Variants in PCLO observed in about 807,000 individuals in gnomAD.
PCLO encodes protein piccolo.
A neutral mutation model predicts 427.5 loss-of-function variants in PCLO; 82 were observed. The ratio of observed to expected loss-of-function variants is 0.19; its 90% CI spans 0.16 to 0.23. PCLO has a LOEUF of 0.23. Ranked by LOEUF, PCLO falls within the 10% of genes least tolerant of loss-of-function variation. PCLO has a pLI of 1.00. For missense variants in PCLO, 6,239 were observed against 6,115.9 expected (o/e 1.02, Z -0.67); for synonymous variants, 2,357 against 2,155.4 (o/e 1.09, Z -2.59).
chr7:83,132,143 G>C (rs1161681666), intron 3 of PCLO, among the ~76,000 whole-genome samples: 2 of 151,978 alleles, frequency 1.3e-5, no homozygotes, highest in African/African-American at 4.8e-5. Flanking sequence ...ACTTTACCTA[G>C]AAACCAGAGG....
At chr7:82,906,594 A>T (rs555339576) in intron 8 of PCLO, among the ~76,000 whole-genome samples, 10 of 152,116 alleles carry the variant, frequency 6.6e-5, no homozygotes, top group Admixed American at 2.0e-4. Flanking sequence ...AATGATAAAG[A>T]AAAACAAATT....
intron 6 of PCLO, among the ~76,000 whole-genome samples, chr7:82,919,276 T>C (rs949746192): frequency 1.3e-5 from 2 of 151,656 alleles, no homozygotes; most frequent in Non-Finnish European, 2.9e-5. Flanking sequence ...GTCAGGAAAG[T>C]TCTAGTGGGA....
intron 3 of PCLO, among the ~76,000 whole-genome samples, chr7:83,123,740 C>T (rs765206195): frequency 2.6e-5 from 4 of 151,952 alleles, no homozygotes; most frequent in Non-Finnish European, 5.9e-5. Flanking sequence ...GGATTAATTT[C>T]CAGAATATAC....
At position 82,758,565 on chromosome 7, in the gene PCLO, A is replaced by T; in HGVS notation, c.*10T>A. The T allele has an allele frequency of 6.2e-7, 1 of 1,606,776 alleles. No homozygotes were observed. The highest frequency in any genetic ancestry group is 1.1e-5 in the South Asian group (1 of 90,014). Reference sequence around the variant, plus strand: ...AGAGCAGTTTCTATACCCTGAGAAGACATGTTTCTTCAATGCGTTTGAGTA... The same window carrying T: ...AGAGCAGTTTCTATACCCTGAGAAGTCATGTTTCTTCAATGCGTTTGAGTA... On this transcript the variant is annotated 3_prime_UTR_variant, in exon 25 of 25. Coordinates refer to ENST00000333891, the MANE Select transcript of PCLO (RefSeq NM_033026.6).
chr7:83,039,226 G>T (rs567201276), intron 3 of PCLO, among the ~76,000 whole-genome samples: 1 of 151,952 alleles, frequency 6.6e-6, no homozygotes, highest in Non-Finnish European at 1.5e-5. Flanking sequence ...TTTTGATAAA[G>T]TCTAATTCAT....
chr7:82,979,485 T>C (rs1017103265), intron 3 of PCLO, among the ~76,000 whole-genome samples: 1 of 152,158 alleles, frequency 6.6e-6, no homozygotes, highest in African/African-American at 2.4e-5. Flanking sequence ...AGTTTTTTGA[T>C]GCATAAATAA....
At chr7:82,968,837 A>C (rs1166266433) in intron 3 of PCLO, among the ~76,000 whole-genome samples, 1 of 152,072 alleles carries the variant, frequency 6.6e-6, no homozygotes, top group Non-Finnish European at 1.5e-5. Context: ...TGACTTTTTA[A>C]AACACAAAAA....
chr7:82,952,875 C>A lies in PCLO; in HGVS notation c.8078G>T (p.Ser2693Ile). The A allele has an allele frequency of 6.2e-7, 1 of 1,613,922 alleles. No homozygotes were observed. The highest frequency in any genetic ancestry group is 1.1e-5 in the South Asian group (1 of 91,078). The change falls in exon 5 of 25, where the codon AGC (serine) becomes ATC (isoleucine). Residue 2693 changes from serine (S) to isoleucine (I), a missense_variant. Ser to Ile is a moderately radical substitution (Grantham distance 142, BLOSUM62 -2). Coordinates refer to ENST00000333891, the MANE Select transcript of PCLO (RefSeq NM_033026.6). ...CTCTGGAGGAATTGTTATGGAAATG[C>A]TGCTGAGACCAACACTAGGAGCTGT... is the stretch of plus-strand genomic sequence containing the variant. ...RSTAPSVGLSSISITIPPEPL... is the reference protein window; with the variant it reads ...RSTAPSVGLSIISITIPPEPL...
At chr7:83,099,015 CAATG>C (rs751969650) in intron 3 of PCLO, among the ~76,000 whole-genome samples, 2 of 151,572 alleles carry the variant, frequency 1.3e-5, no homozygotes, top group Non-Finnish European at 2.9e-5. Context: ...ATCTGAAGGC[CAATG>C]AAATACATCT....
chr7:82,760,333 C>T (rs573139804), intron 24 of PCLO, among the ~76,000 whole-genome samples: 1 of 151,910 alleles, frequency 6.6e-6, no homozygotes, highest in Non-Finnish European at 1.5e-5. Context: ...GCCAGGTAAA[C>T]AGATGAAATG....
intron 8 of PCLO, among the ~76,000 whole-genome samples, chr7:82,903,996 A>G (rs1273115637): frequency 1.3e-5 from 2 of 151,968 alleles, no homozygotes; most frequent in Non-Finnish European, 1.5e-5. Context: ...TTAGGAAAGA[A>G]TAAGCTTAAG....
chr7:82,805,918 A>C, intron 20 of PCLO, 89 bp from the exon 21 acceptor site: 3 of 1,298,734 alleles, frequency 2.3e-6, no homozygotes, highest in Non-Finnish European at 3.2e-6. Flanking sequence ...TTCTTAATTT[A>C]CATGTGACAA....
At chr7:82,969,870 C>CT (rs1486469776) in intron 3 of PCLO, among the ~76,000 whole-genome samples, 1 of 152,120 alleles carries the variant, frequency 6.6e-6, no homozygotes, top group African/African-American at 2.4e-5. Flanking sequence ...TAGATATTTT[C>CT]CAAGAAGGTT....
chr7:83,049,796 A>T (rs1193096394), intron 3 of PCLO, among the ~76,000 whole-genome samples: 1 of 152,110 alleles, frequency 6.6e-6, no homozygotes, highest in Non-Finnish European at 1.5e-5. Context: ...AAAAGCGGTT[A>T]AGCTAAAAGA....
chr7:82,847,266 A>G lies in PCLO; in HGVS notation c.13655-19T>C. The G allele has an allele frequency of 7.2e-7, 1 of 1,384,962 alleles. No homozygotes were observed. The highest frequency in any genetic ancestry group is 1.0e-6 in the Non-Finnish European group (1 of 992,150). The allele number at this position is 1,384,962 out of a possible 1,614,324, so 85.8% of individuals were successfully genotyped here. A position where few individuals can be genotyped will look rare whatever the true frequency, so the allele number is the denominator to read the frequency against. On this transcript the variant is annotated intron_variant, in intron 10 of 24. Transcript: ENST00000333891. Reference sequence around the variant, plus strand: ...TGCATCCCTAGAAAGACAAATTTGAATATAAAATCAAACGTGTGCTATCTC... The same window carrying G: ...TGCATCCCTAGAAAGACAAATTTGAGTATAAAATCAAACGTGTGCTATCTC...
intron 10 of PCLO, among the ~76,000 whole-genome samples, chr7:82,854,950 G>A (rs536243643): frequency 6.6e-6 from 1 of 152,016 alleles, no homozygotes; most frequent in African/African-American, 2.4e-5. Flanking sequence ...TTGAATAAAA[G>A]AAATTTAAGA....
intron 3 of PCLO, among the ~76,000 whole-genome samples, chr7:83,029,322 A>AAAG (rs1417256393): frequency 3.3e-5 from 5 of 152,042 alleles, no homozygotes; most frequent in Non-Finnish European, 7.4e-5. Context: ...ACACTTCTCA[A>AAAG]AAGAAGACAT....
intron 22 of PCLO, among the ~76,000 whole-genome samples, chr7:82,797,356 A>G (rs1791246333): frequency 6.6e-6 from 1 of 152,194 alleles, no homozygotes; most frequent in Non-Finnish European, 1.5e-5. Context: ...CTGGCAAAAA[A>G]TAACTATTAA....
In PCLO at chr7:82,841,446, A is replaced by G; in HGVS notation, c.14097+13T>C. On this transcript the variant is annotated intron_variant, in intron 14 of 24. Transcript: ENST00000333891. ...AAGGTTATATAATGGCGACTTTTTAAAAAACTTCATACCTGAATTTCTCCT... is the reference window on the plus strand; with the variant it reads ...AAGGTTATATAATGGCGACTTTTTAGAAAACTTCATACCTGAATTTCTCCT... The G allele has an allele frequency of 6.3e-7, 1 of 1,582,688 alleles. No homozygotes were observed. Among genetic ancestry groups the G allele is most frequent in the Non-Finnish European group, 8.7e-7 (1 of 1,152,714 alleles).
Sources: gnomAD v4.1 joint callset for allele counts (sites outside exome capture counted in the v4.1 genomes callset) on GRCh38, gnomAD v4.1.1 for gene constraint, MANE v1.5 for transcripts, NCBI Gene and HGNC (gene_info 2026-07-23, HGNC 2026-07-21) for gene names.